Variants in MTSS1 observed in about 807,000 individuals in gnomAD.
MTSS1 encodes the protein protein MTSS 1.
MTSS1 carries 18 observed loss-of-function variants against 79.0 expected under a neutral mutation model. The observed-to-expected ratio is 0.23, with a 90% confidence interval of 0.16 to 0.34. The LOEUF (loss-of-function observed/expected upper bound fraction) is 0.34, where lower values mean the gene tolerates loss of function less well. Ranked by LOEUF, MTSS1 falls within the 10% of genes least tolerant of loss-of-function variation. The probability of loss-of-function intolerance (pLI) is 1.00; values close to 1 mark genes in which losing one functional copy is unlikely to be tolerated. For synonymous variants in MTSS1, 341 were observed against 368.6 expected (o/e 0.93, Z 0.86); for missense variants, 815 against 986.2 (o/e 0.83, Z 2.33).
intron 3 of MTSS1, among the ~76,000 whole-genome samples, chr8:124,600,827 A>C (rs1374808101): frequency 6.6e-6 from 1 of 152,250 alleles, no homozygotes; most frequent in East Asian, 1.9e-4. Flanking sequence ...CCAAAGGCCT[A>C]GAAGGAGCGG....
chr8:124,728,094 G>C lies in MTSS1; in HGVS notation c.-139C>G. ...TCGCAGCCTCTTCTGCAGCGAGGAC[G>C]GGGTGCACCAGACCGACTGTTCTCT... is the stretch of plus-strand genomic sequence containing the variant. On this transcript the variant is annotated 5_prime_UTR_variant, in exon 1 of 14. Coordinates refer to ENST00000518547, the MANE Select transcript of MTSS1 (RefSeq NM_014751.6). The surrounding 1 kb of genome is among the most constrained non-coding windows in gnomAD (Gnocchi z 6.1). 1 of 651,200 alleles carries C rather than the reference G, an allele frequency of 1.5e-6. No individual in the cohort carries two copies. Among genetic ancestry groups the C allele is most frequent in the Non-Finnish European group, 2.6e-6 (1 of 384,776 alleles). 40.3% of individuals were successfully genotyped at this position (651,200 alleles called of 1,614,324 possible).
chr8:124,648,298 G>C (rs11785482), intron 3 of MTSS1, among the ~76,000 whole-genome samples: 20,872 of 151,724 alleles, frequency 0.14, 2,349 homozygotes, highest in African/African-American at 0.31. Flanking sequence ...TTTTTTTTAA[G>C]TATTTCAACA....
intron 6 of MTSS1, chr8:124,577,475 C>G: frequency 2.1e-6 from 1 of 477,130 alleles, no homozygotes; most frequent in Non-Finnish European, 4.2e-6. Flanking sequence ...GTCTCAGACT[C>G]ATGACCTCAA....
intron 3 of MTSS1, among the ~76,000 whole-genome samples, chr8:124,691,342 T>A (rs1488097707): frequency 6.6e-6 from 1 of 152,128 alleles, no homozygotes; most frequent in African/African-American, 2.4e-5. Flanking sequence ...ATAACCACAG[T>A]TTTTAGCTAT....
At chr8:124,670,413 GCGGCACCCCACACAGCC>G (rs1308589577) in intron 3 of MTSS1, among the ~76,000 whole-genome samples, 1 of 151,476 alleles carries the variant, frequency 6.6e-6, no homozygotes, top group Admixed American at 6.6e-5. Flanking sequence ...ACACAGCCTG[GCGGCACCCCACACAGCC>G]TGGCGGCACC....
At chr8:124,701,551 T>C (rs911524280) in intron 2 of MTSS1, among the ~76,000 whole-genome samples, 3 of 152,244 alleles carry the variant, frequency 2.0e-5, no homozygotes, top group African/African-American at 7.2e-5. Flanking sequence ...TTCTTGGGAC[T>C]TATAAATAGC....
chr8:124,645,882 G>C (rs770400802), intron 3 of MTSS1, among the ~76,000 whole-genome samples: 5 of 152,050 alleles, frequency 3.3e-5, no homozygotes, highest in African/African-American at 4.8e-5. Flanking sequence ...CTCTTTCAGG[G>C]CACGAAGGTC....
At chr8:124,556,163 GC>G (rs1823705235) in intron 12 of MTSS1, 68 bp downstream of exon 12, 1 of 1,606,906 alleles carries the variant, frequency 6.2e-7, no homozygotes, top group South Asian at 1.1e-5. Flanking sequence ...CCCCCCAGTT[GC>G]TGGCCAGAAT....
chr8:124,659,734 C>T (rs1473996861), intron 3 of MTSS1, among the ~76,000 whole-genome samples: 1 of 152,200 alleles, frequency 6.6e-6, no homozygotes, highest in Non-Finnish European at 1.5e-5. Flanking sequence ...ATTCTCTACT[C>T]AAGTGCATTG....
At chr8:124,704,826 G>C (rs1028633348) in intron 1 of MTSS1, among the ~76,000 whole-genome samples, 1 of 152,078 alleles carries the variant, frequency 6.6e-6, no homozygotes, top group South Asian at 2.1e-4. Context: ...TAACCTCTGG[G>C]AGCCCTCAGT....
At chr8:124,709,746 T>C (rs1371035444) in intron 1 of MTSS1, among the ~76,000 whole-genome samples, 1 of 152,144 alleles carries the variant, frequency 6.6e-6, no homozygotes, top group African/African-American at 2.4e-5. Context: ...GAGATGGGGC[T>C]TCCCTGAACA....
At chr8:124,556,692 A>G in intron 11 of MTSS1, 1 of 448,684 alleles carries the variant, frequency 2.2e-6, no homozygotes, top group Non-Finnish European at 4.0e-6. Flanking sequence ...CTAACAGGTG[A>G]CCGGTGTAAG....
At position 124,552,181 on chromosome 8, in the gene MTSS1, A is replaced by G. The variant is rs1822621448; in HGVS notation, c.*811T>C. ...CGACTGCCCAGAGGCAGCAGCATGC[A>G]TGGGGCTGGTTGTGGGTGCTGTGTG... On this transcript the variant is annotated 3_prime_UTR_variant, in exon 14 of 14. Transcript: ENST00000518547. 6.5e-6 allele frequency: 1 copy of G among 152,724 alleles called. No individual in the cohort carries two copies. The highest frequency in any genetic ancestry group is 2.4e-5 in the African/African-American group (1 of 41,466). The allele number at this position is 152,724 out of a possible 1,614,324, so 9.5% of individuals were successfully genotyped here.
chr8:124,674,870 T>G (rs1824993893), intron 3 of MTSS1, among the ~76,000 whole-genome samples: 2 of 152,056 alleles, frequency 1.3e-5, no homozygotes, highest in African/African-American at 4.8e-5. Flanking sequence ...TACAGGCGCA[T>G]GTCACCATGC....
In MTSS1 at chr8:124,589,692, T is replaced by A; in HGVS notation, c.313A>T (p.Ile105Leu). The A allele has an allele frequency of 6.2e-7, 1 of 1,612,776 alleles. No homozygotes were observed. The highest frequency in any genetic ancestry group is 1.7e-5 in the Admixed American group (1 of 59,722). ...TCCATCTGTTCTTGAAGTGGGTTTATCAGACAATCAATTAAAGCGCTTTTA... is the reference window on the plus strand; with the variant it reads ...TCCATCTGTTCTTGAAGTGGGTTTAACAGACAATCAATTAAAGCGCTTTTA... The part of the protein sequence containing the change: ...QFSSALIDCL[I>L]NPLQEQMEEW... Residue 105 changes from isoleucine (I) to leucine (L), a missense_variant, in exon 5 of 14, where the codon ATA (isoleucine) becomes TTA (leucine). By Grantham distance (5) the Ile-to-Leu change is conservative. Transcript: ENST00000518547.
chr8:124,670,082 C>A (rs992751613), intron 3 of MTSS1, among the ~76,000 whole-genome samples: 71 of 152,196 alleles, frequency 4.7e-4, no homozygotes, highest in Middle Eastern at 6.8e-3. Context: ...CAAAACAGGT[C>A]ATGAAAACAA....
chr8:124,594,541 C>A (rs4007927), intron 3 of MTSS1, among the ~76,000 whole-genome samples: 46,065 of 151,770 alleles, frequency 0.3, 8,675 homozygotes, highest in African/African-American at 0.53. Context: ...ACAACAACAA[C>A]AAAAGAAATA....
At chr8:124,599,448 A>T (rs1425230364) in intron 3 of MTSS1, among the ~76,000 whole-genome samples, 2 of 147,794 alleles carry the variant, frequency 1.4e-5, no homozygotes, top group African/African-American at 5.0e-5. Flanking sequence ...ACGCCACTGC[A>T]CTCCAGCCTG....
intron 6 of MTSS1, among the ~76,000 whole-genome samples, chr8:124,570,174 G>A (rs1038388278): frequency 1.3e-5 from 2 of 152,162 alleles, no homozygotes; most frequent in Non-Finnish European, 2.9e-5. Context: ...TCTCAGACAG[G>A]GAATAAGTTC....
Sources: gnomAD v4.1 joint callset for allele counts (sites outside exome capture counted in the v4.1 genomes callset) on GRCh38, gnomAD v4.1.1 for gene constraint, Gnocchi (gnomAD v3.1) non-coding constraint, MANE v1.5 for transcripts, NCBI Gene and HGNC (gene_info 2026-07-23, HGNC 2026-07-21) for gene names.